Variants in TMEM134 observed in about 807,000 individuals in gnomAD.
TMEM134 encodes transmembrane protein 134.
Under a neutral mutation model 26.2 loss-of-function variants are expected in TMEM134, and 36 were observed. The ratio of observed to expected loss-of-function variants is 1.37; its 90% CI spans 1.05 to 1.81. TMEM134 has a LOEUF of 1.81. TMEM134 is among the 40% of genes most tolerant of loss of function. The probability of loss-of-function intolerance (pLI) is 0.00; values close to 1 mark genes in which losing one functional copy is unlikely to be tolerated. For synonymous variants in TMEM134, 133 were observed against 113.6 expected (o/e 1.17, Z -1.08); for missense variants, 339 against 263.5 (o/e 1.29, Z -1.98).
Position 67,467,350 on chromosome 11 carries a change from A to T in TMEM134, c.368T>A (p.Val123Glu), listed in dbSNP as rs777591368. 28 of 1,613,604 alleles carry T rather than the reference A, an allele frequency of 1.7e-5. No homozygotes were observed. In the Admixed American group the frequency reaches 4.5e-4, roughly 26 times the overall value. Reference sequence around the variant, plus strand: ...CAGGAGCAGGAAGGAGGCCAGCACCACTCGGCGGTTCTTCTGGATCAAAGG... The same window carrying T: ...CAGGAGCAGGAAGGAGGCCAGCACCTCTCGGCGGTTCTTCTGGATCAAAGG... ...QHPLIQKNRR[V>E]VLASFLLLLL... is the part of the protein sequence containing the mutation. Residue 123 changes from valine (V) to glutamate (E), a missense_variant, in exon 4 of 7, where the codon GTG (valine) becomes GAG (glutamate). Physicochemically the swap from Val to Glu is moderately radical, Grantham distance 121. Coordinates refer to ENST00000308022, the MANE Select transcript of TMEM134 (RefSeq NM_025124.4).
chr11:67,464,723 A>G (rs1238706272), intron 6 of TMEM134, 27 bp from the exon 7 acceptor site: 1 of 1,548,928 alleles, frequency 6.5e-7, no homozygotes, highest in Non-Finnish European at 8.7e-7. Context: ...GTCAGCGCAG[A>G]AGCCCCGCCC....
intron 4 of TMEM134, chr11:67,465,796 C>G (rs150910202): frequency 1.3e-5 from 2 of 152,058 alleles, no homozygotes; most frequent in Admixed American, 1.3e-4. Flanking sequence ...CCAGCCCAGG[C>G]GTGGTGACTC....
intron 4 of TMEM134, 120 bp downstream of exon 4, chr11:67,467,192 G>T: frequency 1.1e-6 from 1 of 914,854 alleles, no homozygotes; most frequent in Non-Finnish European, 1.7e-6. Context: ...GATGATGGCA[G>T]CCAGCTGCCT....
At chr11:67,464,888 AG>A in intron 5 of TMEM134, 32 bp from the exon 6 acceptor site, 1 of 1,607,170 alleles carries the variant, frequency 6.2e-7, no homozygotes, top group Non-Finnish European at 8.5e-7. Context: ...GGTCAGGGCG[AG>A]GGGGCGGAGG....
chr11:67,466,377 A>G (rs1202578608), intron 4 of TMEM134: 1 of 152,282 alleles, frequency 6.6e-6, no homozygotes, highest in South Asian at 2.1e-4. Context: ...ATAAAGGGGT[A>G]TAGGGTATGA....
intron 1 of TMEM134, 98 bp downstream of exon 1, chr11:67,468,921 G>A (rs1865471122): frequency 1.1e-5 from 13 of 1,212,840 alleles, no homozygotes; most frequent in Non-Finnish European, 1.4e-5. Context: ...TTCAGCTGGG[G>A]CCTCTAGGCA....
intron 2 of TMEM134, 58 bp downstream of exon 2, chr11:67,467,970 T>A: frequency 6.7e-7 from 1 of 1,482,840 alleles, no homozygotes; most frequent in Non-Finnish European, 9.2e-7. Context: ...CTGAGCAGGG[T>A]CCCTGGGGAT....
rs766293562 is a variant in TMEM134 at position 67,464,708 on chromosome 11, G to T, written c.506-12C>A. On this transcript the variant is annotated splice_polypyrimidine_tract_variant and intron_variant, in intron 6 of 6. Transcript: ENST00000308022. The stretch of plus-strand genomic sequence containing the variant: ...GATCACGTGATAGACTGCGGGGCGG[G>T]GCCTGTCAGCGCAGAAGCCCCGCCC... 1 of 1,551,830 alleles carries T rather than the reference G, an allele frequency of 6.4e-7. No individual in the cohort carries two copies. Among genetic ancestry groups the T allele is most frequent in the South Asian group, 1.2e-5 (1 of 84,254 alleles).
intron 4 of TMEM134, chr11:67,465,422 G>A: frequency 2.8e-6 from 1 of 363,040 alleles, no homozygotes; most frequent in South Asian, 3.1e-5. Flanking sequence ...CCCGTCCTTA[G>A]TGGAGGAACC....
At chr11:67,465,491 CAGTGCAGG>C (rs1865193700) in intron 4 of TMEM134, among the ~76,000 whole-genome samples, 1 of 149,324 alleles carries the variant, frequency 6.7e-6, no homozygotes, top group South Asian at 2.1e-4. Flanking sequence ...AAGAACAGGG[CAGTGCAGG>C]AGTCCTGGGT....
chr11:67,464,253 C>A lies in TMEM134; in HGVS notation c.*361G>T, dbSNP rs1416847591. On this transcript the variant is annotated 3_prime_UTR_variant, in exon 7 of 7. Transcript: ENST00000308022. ...CAGGGCTGCCACGCGTTCGGTGGTG[C>A]TCGAAGCCCTTCAGCGTCAGGGTCA... 1 of 367,950 alleles carries A rather than the reference C, an allele frequency of 2.7e-6. No individual in the cohort carries two copies. Among genetic ancestry groups the A allele is most frequent in the African/African-American group, 2.1e-5 (1 of 46,786 alleles). The allele number at this position is 367,950 out of a possible 1,614,324, so 22.8% of individuals were successfully genotyped here. A position where few individuals can be genotyped will look rare whatever the true frequency, so the allele number is the denominator to read the frequency against.
chr11:67,468,149 C>G (rs1193664131), intron 1 of TMEM134, 57 bp from the exon 2 acceptor site: 15 of 1,497,436 alleles, frequency 1.0e-5, no homozygotes, highest in Non-Finnish European at 1.4e-5. Context: ...TCCTCACTCC[C>G]TCCCGGGAAG....
chr11:67,465,025 C>T (rs1865161695), intron 5 of TMEM134, 31 bp downstream of exon 5: 5 of 1,537,962 alleles, frequency 3.3e-6, no homozygotes, highest in Non-Finnish European at 4.4e-6. Context: ...CAGGGGTGTC[C>T]TCTGCCTGTG....
rs147604342 is a variant in TMEM134, at chr11:67,467,460, G to A, written c.329+41C>T. 2.5e-4 allele frequency: 397 copies of A among 1,612,984 alleles called. 3 individuals are homozygous for A. The East Asian group carries it at 8.4e-3, about 34-fold the overall frequency. ...GGGTGCAGGAGGCTGTGGGGGTGGA[G>A]CCAGGGCTGCTCGGCTGGGGGCTTA... is the stretch of plus-strand genomic sequence containing the variant. On this transcript the variant is annotated intron_variant, in intron 3 of 6. Transcript: ENST00000308022.
rs200237408 is a variant in TMEM134 at position 67,464,722 on chromosome 11, G to GA, written c.506-27dup. 9.3e-4 allele frequency: 1,442 copies of GA among 1,550,444 alleles called. 11 individuals are homozygous for GA. In the African/African-American group the frequency reaches 0.017, roughly 18 times the overall value. ...CTGCGGGGCGGGGCCTGTCAGCGCA[G>GA]AAGCCCCGCCCCTCCCCGCAACACC... On this transcript the variant is annotated intron_variant, in intron 6 of 6. Transcript: ENST00000308022.
At chr11:67,468,172 C>A in intron 1 of TMEM134, 80 bp from the exon 2 acceptor site, 1 of 1,361,336 alleles carries the variant, frequency 7.3e-7, no homozygotes, top group African/African-American at 1.4e-5. Flanking sequence ...AAAAGCAGGC[C>A]TACACAACCA....
chr11:67,468,302 C>G, intron 1 of TMEM134: 1 of 580,070 alleles, frequency 1.7e-6, no homozygotes, highest in South Asian at 2.0e-5. Flanking sequence ...GGAGCAGGAG[C>G]CTGCATAGAT....
chr11:67,465,136 A>G (rs1591015589), intron 4 of TMEM134, 36 bp from the exon 5 acceptor site: 2 of 1,550,902 alleles, frequency 1.3e-6, no homozygotes, highest in Non-Finnish European at 1.7e-6. Flanking sequence ...TGGGGGCAGG[A>G]GCAGTGGTGA....
intron 5 of TMEM134, 61 bp downstream of exon 5, chr11:67,464,995 G>C: frequency 2.0e-6 from 3 of 1,482,738 alleles, no homozygotes; most frequent in Non-Finnish European, 2.8e-6. Context: ...AGGGCTTGCC[G>C]TGGACCCGTG....
Sources: gnomAD v4.1 joint callset for allele counts (sites outside exome capture counted in the v4.1 genomes callset) on GRCh38, gnomAD v4.1.1 for gene constraint, MANE v1.5 for transcripts, NCBI Gene and HGNC (gene_info 2026-07-23, HGNC 2026-07-21) for gene names.